Variants in CNTNAP4 observed in about 807,000 individuals in gnomAD.
The protein encoded by CNTNAP4 is contactin associated protein family member 4, also known as contactin-associated protein-like 4.
In CNTNAP4, 98 loss-of-function variants were observed where a neutral mutation model predicts 148.4. That is an observed-to-expected ratio of 0.66 (90% CI 0.56 to 0.78). The LOEUF (loss-of-function observed/expected upper bound fraction) is 0.78, where lower values mean the gene tolerates loss of function less well. CNTNAP4 is among the 30% of genes least tolerant of loss of function. The probability of loss-of-function intolerance (pLI) is 0.00; values close to 1 mark genes in which losing one functional copy is unlikely to be tolerated. For synonymous variants in CNTNAP4, 730 were observed against 565.1 expected (o/e 1.29, Z -4.14); for missense variants, 1,935 against 1,565.6 (o/e 1.24, Z -3.98).
intron 3 of CNTNAP4, among the ~76,000 whole-genome samples, chr16:76,420,279 A>ATATTAG (rs1324649016): frequency 7.5e-4 from 113 of 149,974 alleles, no homozygotes; most frequent in Non-Finnish European, 1.1e-3. Flanking sequence ...TATAGGAGAT[A>ATATTAG]AATATTAATT....
intron 13 of CNTNAP4, among the ~76,000 whole-genome samples, chr16:76,491,845 G>T (rs2082234778): frequency 9.8e-6 from 1 of 101,718 alleles, no homozygotes; most frequent in Non-Finnish European, 2.3e-5. Context: ...AAGGCTGAAT[G>T]ATATCCCATT....
Position 76,310,575 on chromosome 16 carries a change from C to T in CNTNAP4, c.86-5838C>T, listed in dbSNP as rs542972322. 3.9e-5 allele frequency among the ~76,000 whole-genome samples: 6 copies of T among 152,222 alleles called. No homozygotes were observed. In the East Asian group the frequency reaches 5.8e-4, roughly 15 times the overall value. On this transcript the variant is annotated intron_variant, in intron 1 of 23. Transcript: ENST00000611870. ...GAGACTCCAATCTTTCCAAAGCTTCCTGTCAAAGGTCTCACCCTGCCTCTG... is the reference window on the plus strand; with the variant it reads ...GAGACTCCAATCTTTCCAAAGCTTCTTGTCAAAGGTCTCACCCTGCCTCTG...
chr16:76,301,533 T>C (rs1207672396), intron 1 of CNTNAP4, among the ~76,000 whole-genome samples: 1 of 152,194 alleles, frequency 6.6e-6, no homozygotes, highest in African/African-American at 2.4e-5. Context: ...TGTGAACTCA[T>C]GTATACTGAA....
At chr16:76,403,837 A>G (rs1223777786) in intron 3 of CNTNAP4, among the ~76,000 whole-genome samples, 3 of 152,234 alleles carry the variant, frequency 2.0e-5, no homozygotes, top group Non-Finnish European at 4.4e-5. Context: ...AAAATATGGT[A>G]CATATACATC....
intron 3 of CNTNAP4, among the ~76,000 whole-genome samples, chr16:76,359,347 A>C (rs1181892236): frequency 1.3e-5 from 2 of 152,190 alleles, no homozygotes; most frequent in East Asian, 3.9e-4. Flanking sequence ...GTGATAGAAA[A>C]ACAAAAGACA....
At chr16:76,543,773 G>A (rs556085678) in intron 21 of CNTNAP4, among the ~76,000 whole-genome samples, 2 of 152,280 alleles carry the variant, frequency 1.3e-5, no homozygotes, top group African/African-American at 4.8e-5. Flanking sequence ...GGGAATCATG[G>A]CCTTGGTACA....
intron 1 of CNTNAP4, among the ~76,000 whole-genome samples, chr16:76,308,812 G>C (rs1190832715): frequency 1.3e-5 from 2 of 152,034 alleles, no homozygotes; most frequent in East Asian, 3.9e-4. Context: ...CTAAGCCATA[G>C]AATTTTATTT....
At chr16:76,288,534 G>C (rs1958981666) in intron 1 of CNTNAP4, among the ~76,000 whole-genome samples, 2 of 152,124 alleles carry the variant, frequency 1.3e-5, no homozygotes, top group African/African-American at 4.8e-5. Context: ...TGTCCATGGA[G>C]TCTCACCACC....
chr16:76,354,359 AAC>A (rs1048125572), intron 2 of CNTNAP4, among the ~76,000 whole-genome samples: 2 of 152,208 alleles, frequency 1.3e-5, no homozygotes, highest in African/African-American at 4.8e-5. Context: ...GATCAAATAT[AAC>A]ACAGTAAATT....
intron 17 of CNTNAP4, among the ~76,000 whole-genome samples, chr16:76,527,359 C>G (rs1214074786): frequency 2.6e-5 from 4 of 152,130 alleles, no homozygotes; most frequent in African/African-American, 9.7e-5. Context: ...GACTGGTAAT[C>G]TCTACTTCAA....
intron 4 of CNTNAP4, among the ~76,000 whole-genome samples, chr16:76,428,546 G>T (rs1039400935): frequency 6.6e-6 from 1 of 151,954 alleles, no homozygotes; most frequent in African/African-American, 2.4e-5. Context: ...AGAAAAGCAG[G>T]TGATAAAGAG....
At chr16:76,440,431 C>T (rs962896498) in intron 4 of CNTNAP4, among the ~76,000 whole-genome samples, 18 of 152,134 alleles carry the variant, frequency 1.2e-4, no homozygotes, top group Non-Finnish European at 2.4e-4. Context: ...CAATTTATCC[C>T]GAAAACATCT....
At chr16:76,350,726 A>T (rs1965298553) in intron 2 of CNTNAP4, among the ~76,000 whole-genome samples, 1 of 152,234 alleles carries the variant, frequency 6.6e-6, no homozygotes, top group Non-Finnish European at 1.5e-5. Flanking sequence ...AGAAATCAAT[A>T]GGCACTTAAT....
At chr16:76,462,160 C>T in intron 9 of CNTNAP4, 55 bp downstream of exon 9, 3 of 1,476,270 alleles carry the variant, frequency 2.0e-6, no homozygotes, top group Admixed American at 2.0e-5. Context: ...CATTAGTGCC[C>T]CCGTGTCTTG....
intron 12 of CNTNAP4, among the ~76,000 whole-genome samples, chr16:76,485,800 A>T (rs2082006159): frequency 6.6e-6 from 1 of 152,236 alleles, no homozygotes; most frequent in African/African-American, 2.4e-5. Context: ...CCTTCTTAAC[A>T]GCTATGAGGG....
intron 3 of CNTNAP4, among the ~76,000 whole-genome samples, chr16:76,375,086 G>C (rs1186305050): frequency 6.6e-6 from 1 of 152,010 alleles, no homozygotes; most frequent in Non-Finnish European, 1.5e-5. Context: ...CTTTTTTTAA[G>C]AGAAATTTTC....
At chr16:76,348,252 G>C (rs1169009066) in intron 2 of CNTNAP4, among the ~76,000 whole-genome samples, 1 of 151,694 alleles carries the variant, frequency 6.6e-6, no homozygotes, top group Non-Finnish European at 1.5e-5. Flanking sequence ...GGCTGGGAAA[G>C]GATGTGAATA....
At chr16:76,392,416 A>G (rs537023989) in intron 3 of CNTNAP4, among the ~76,000 whole-genome samples, 3 of 152,334 alleles carry the variant, frequency 2.0e-5, no homozygotes, top group African/African-American at 7.2e-5. Flanking sequence ...GATATTAAGT[A>G]TCTAGCATGA....
intron 4 of CNTNAP4, among the ~76,000 whole-genome samples, chr16:76,434,365 G>A (rs568771451): frequency 2.3e-4 from 35 of 152,284 alleles, no homozygotes; most frequent in African/African-American, 7.5e-4. Flanking sequence ...TTTCTGGTGA[G>A]CCTTATGGAC....
Sources: allele counts gnomAD v4.1 joint callset (sites outside exome capture counted in the v4.1 genomes callset), GRCh38; gene constraint gnomAD v4.1.1; transcripts MANE v1.5; gene names NCBI Gene and HGNC (gene_info 2026-07-23, HGNC 2026-07-21).